Variants in GYS2 observed in about 807,000 individuals in gnomAD.
The protein encoded by GYS2 is glycogen [starch] synthase, liver.
In GYS2, 80 loss-of-function variants were observed where a neutral mutation model predicts 85.6. That is an observed-to-expected ratio of 0.93 (90% CI 0.78 to 1.13). GYS2 has a LOEUF of 1.13. Ranked by LOEUF, GYS2 falls within the 50% of genes most tolerant of loss-of-function variation. GYS2 has a pLI of 0.00. For synonymous variants in GYS2, 328 were observed against 300.7 expected, an observed-to-expected ratio of 1.09 and a Z score of -0.94; for missense variants, 881 against 854.9, an observed-to-expected ratio of 1.03 and a Z score of -0.38.
chr12:21,544,531 A>G (rs1245589930), intron 12 of GYS2, among the ~76,000 whole-genome samples: 1 of 152,224 alleles, frequency 6.6e-6, no homozygotes, highest in Admixed American at 6.5e-5. Context: ...TCTATCCATG[A>G]TACTTCCAAT....
At chr12:21,576,091 T>C in intron 2 of GYS2, 34 bp from the exon 3 acceptor site, 1 of 1,541,748 alleles carries the variant, frequency 6.5e-7, no homozygotes, top group Admixed American at 1.7e-5. Context: ...TGTAGTGATA[T>C]TAAGTCATGC....
At chr12:21,561,329 C>A (rs149894297) in intron 7 of GYS2, among the ~76,000 whole-genome samples, 3 of 152,132 alleles carry the variant, frequency 2.0e-5, no homozygotes, top group African/African-American at 7.2e-5. Context: ...CACTTAAAAT[C>A]ATGAACCTCT....
chr12:21,597,489 G>A (rs1014084843), intron 1 of GYS2, among the ~76,000 whole-genome samples: 1 of 152,036 alleles, frequency 6.6e-6, no homozygotes, highest in Admixed American at 6.6e-5. Flanking sequence ...AAACCACAAT[G>A]AGATATCATC....
intron 5 of GYS2, among the ~76,000 whole-genome samples, chr12:21,564,060 C>A (rs565497593): frequency 6.6e-6 from 1 of 152,162 alleles, no homozygotes; most frequent in African/African-American, 2.4e-5. Flanking sequence ...AAACATTGGT[C>A]TGTGACAAGA....
At chr12:21,598,134 T>C (rs1944716622) in intron 1 of GYS2, among the ~76,000 whole-genome samples, 1 of 152,046 alleles carries the variant, frequency 6.6e-6, no homozygotes, top group Admixed American at 6.5e-5. Flanking sequence ...TGATGTTCAA[T>C]AGCAAAGTAG....
In GYS2 at chr12:21,546,608, C is replaced by A; in HGVS notation, c.1423-138G>T. The A allele has an allele frequency of 1.6e-6, 1 of 613,460 alleles. No individual in the cohort carries two copies. The highest frequency in any genetic ancestry group is 1.9e-5 in the African/African-American group (1 of 53,838). The allele number at this position is 613,460 out of a possible 1,614,324, so 38.0% of individuals were successfully genotyped here. ...TTCAGAAAGAAAAAAAGAGATAAGA[C>A]AAAAGAAAAAGAAAAAAGCCGTGGT... On this transcript the variant is annotated intron_variant, in intron 11 of 15. Coordinates refer to ENST00000261195, the MANE Select transcript of GYS2 (RefSeq NM_021957.4).
intron 12 of GYS2, among the ~76,000 whole-genome samples, chr12:21,543,180 A>T (rs1943999458): frequency 6.6e-6 from 1 of 152,126 alleles, no homozygotes; most frequent in Non-Finnish European, 1.5e-5. Flanking sequence ...TAAAAATTTT[A>T]CTAGTCTCAA....
In GYS2 at chr12:21,536,561, CG is replaced by C; in HGVS notation, c.*392del. 4.4e-6 allele frequency: 1 copy of C among 229,636 alleles called. No homozygotes were observed. Among genetic ancestry groups the C allele is most frequent in the South Asian group, 6.4e-5 (1 of 15,514 alleles). The allele number at this position is 229,636 out of a possible 1,614,324, so 14.2% of individuals were successfully genotyped here. On this transcript the variant is annotated 3_prime_UTR_variant, in exon 16 of 16. Transcript: ENST00000261195. The stretch of plus-strand genomic sequence containing the variant: ...CATTCATGGGTAAGATCAAGGTTTT[CG>C]GGGGGGAAATGGGAAATTTGTGTGG...
chr12:21,539,496 T>C (rs1287261152), intron 14 of GYS2, among the ~76,000 whole-genome samples, 158 bp from the exon 15 acceptor site: 1 of 152,200 alleles, frequency 6.6e-6, no homozygotes, highest in Non-Finnish European at 1.5e-5. Flanking sequence ...GGAAAGAAAT[T>C]ACAGTTTATA....
chr12:21,588,403 T>C (rs944663896), intron 1 of GYS2, among the ~76,000 whole-genome samples: 5 of 152,186 alleles, frequency 3.3e-5, no homozygotes, highest in African/African-American at 9.6e-5. Flanking sequence ...TTTTGGAAAA[T>C]TGCCCTTTGA....
At chr12:21,559,300 T>C in intron 9 of GYS2, 131 bp from the exon 10 acceptor site, 1 of 598,140 alleles carries the variant, frequency 1.7e-6, no homozygotes, top group South Asian at 2.3e-5. Flanking sequence ...ATTAAGTAAA[T>C]GTGTTCACAT....
rs770984440 is a variant in GYS2 at position 21,559,687 on chromosome 12, T to C, written c.1193A>G (p.Glu398Gly). ...ATCATAGAGTTTTTTTCCAAACTTT[T>C]CCTTCACAGAATGTGCAACATCCCT... ...QLWDVAHSVK[E>G]KFGKKLYDAL... Residue 398 changes from glutamate to glycine, a missense_variant, in exon 9 of 16, where the codon GAA becomes GGA. By Grantham distance (98) the Glu-to-Gly change is moderately conservative (BLOSUM62 -2). Coordinates refer to ENST00000261195, the MANE Select transcript of GYS2 (RefSeq NM_021957.4). 2 of 1,595,458 alleles carry C rather than the reference T, an allele frequency of 1.3e-6. No homozygotes were observed. The highest frequency in any genetic ancestry group is 1.7e-5 in the Admixed American group (1 of 59,978).
chr12:21,573,237 C>T (rs1944406422), intron 4 of GYS2, among the ~76,000 whole-genome samples: 1 of 152,286 alleles, frequency 6.6e-6, no homozygotes, highest in East Asian at 1.9e-4. Flanking sequence ...GTGTATTACA[C>T]ACACATACAC....
chr12:21,558,940 C>G, intron 10 of GYS2, 151 bp downstream of exon 10: 1 of 518,166 alleles, frequency 1.9e-6, no homozygotes, highest in South Asian at 3.0e-5. Context: ...GAAAAAATGT[C>G]CAAAGTAATC....
intron 2 of GYS2, among the ~76,000 whole-genome samples, chr12:21,578,101 G>T (rs750532835): frequency 1.4e-4 from 22 of 151,990 alleles, no homozygotes; most frequent in Non-Finnish European, 2.9e-4. Context: ...TTCCACTTCG[G>T]CATTCTGTTA....
intron 1 of GYS2, among the ~76,000 whole-genome samples, chr12:21,595,910 AT>A (rs1382770634): frequency 1.3e-5 from 2 of 152,218 alleles, no homozygotes; most frequent in Non-Finnish European, 1.5e-5. Context: ...CAACAAAAAA[AT>A]AATGGATTTA....
chr12:21,540,413 G>A lies in GYS2; in HGVS notation c.1806C>T (p.Gly602=). 2 of 1,613,626 alleles carry A rather than the reference G, an allele frequency of 1.2e-6. No homozygotes were observed. Among genetic ancestry groups the A allele is most frequent in the Non-Finnish European group, 1.7e-6 (2 of 1,179,622 alleles). Residue 602 remains glycine (G), a synonymous_variant, in exon 14 of 16, where the codon GGC becomes GGT. Coordinates refer to ENST00000261195, the MANE Select transcript of GYS2 (RefSeq NM_021957.4). ...GTGTTTATCTAAACTTGCTTACTCT[G>A]CCTAAGTATCTCCAATCCAGAAGAT... is the stretch of plus-strand genomic sequence containing the variant. ...LSDLLDWRYL[G]RYYQHARHLT...
rs746184836 is a variant in GYS2, at chr12:21,575,961, G to T, written c.400C>A (p.Leu134Ile). The change falls in exon 3 of 16, where the codon CTC becomes ATC. Residue 134 changes from leucine to isoleucine, a missense_variant. Transcript: ENST00000261195. Reference protein sequence around the residue: ...AWNLDRWKGDLWEACSVGIPY... With the variant: ...AWNLDRWKGDIWEACSVGIPY... ...ATGCCGACACTGCATGCTTCCCAGAGGTCACCCTTCCACCTGTCCAGATTC... is the reference window on the plus strand; with the variant it reads ...ATGCCGACACTGCATGCTTCCCAGATGTCACCCTTCCACCTGTCCAGATTC... 7 of 1,613,578 alleles carry T rather than the reference G, an allele frequency of 4.3e-6. No homozygotes were observed. The South Asian group carries it at 4.4e-5, about 10-fold the overall frequency.
At chr12:21,593,702 C>G (rs255438) in intron 1 of GYS2, among the ~76,000 whole-genome samples, 139,718 of 152,134 alleles carry the variant, frequency 0.92, 64,307 homozygotes, top group East Asian at 1. Flanking sequence ...AGAAAACTAA[C>G]AAGTCTCCTT....
Sources: allele counts gnomAD v4.1 joint callset (sites outside exome capture counted in the v4.1 genomes callset), GRCh38; gene constraint gnomAD v4.1.1; transcripts MANE v1.5; gene names NCBI Gene and HGNC (gene_info 2026-07-23, HGNC 2026-07-21).